XRCC5: variants seen among roughly 807,000 people sequenced by gnomAD.
XRCC5 encodes DNA repair protein Ku80.
A neutral mutation model predicts 95.7 loss-of-function variants in XRCC5; 12 were observed. That is an observed-to-expected ratio of 0.13 (90% CI 0.08 to 0.20). XRCC5 has a LOEUF of 0.20. Among genes scored for constraint, XRCC5 ranks in the 10% least tolerant of loss-of-function variants. The pLI, the probability that XRCC5 is intolerant of heterozygous loss-of-function variation, is 1.00. For missense variants in XRCC5, 595 were observed against 873.9 expected (o/e 0.68, Z 4.02); for synonymous variants, 281 against 290.3 (o/e 0.97, Z 0.33).
In XRCC5 at chr2:216,187,786, G is replaced by GACACACACACACACACACACACACAC. The variant is rs149998611; in HGVS notation, c.1835-2428_1835-2403dup. Among the ~76,000 whole-genome samples the GACACACACACACACACACACACACAC allele has an allele frequency of 1.7e-4, 11 of 64,544 alleles. 1 individual carries two copies. The highest frequency in any genetic ancestry group is 1.0e-3 in the African/African-American group (10 of 9,962). 42.3% of individuals were successfully genotyped at this position (64,544 alleles called of 152,430 possible). A position where few individuals can be genotyped will look rare whatever the true frequency, so the allele number is the denominator to read the frequency against. Reference sequence around the variant, plus strand: ...AGTATCTGTGATGCCATGAACTCCTGACACACACACACACACACACACACA... The same window carrying GACACACACACACACACACACACACAC: ...AGTATCTGTGATGCCATGAACTCCTGACACACACACACACACACACACACACACACACACACACACACACACACACA... On this transcript the variant is annotated intron_variant, in intron 16 of 20. Coordinates refer to ENST00000392132, the MANE Select transcript of XRCC5 (RefSeq NM_021141.4).
In XRCC5 at chr2:216,200,952, G is replaced by T. The variant is rs1024866408; in HGVS notation, c.2110-3370G>T. Among the ~76,000 whole-genome samples the T allele has an allele frequency of 2.0e-5, 3 of 152,210 alleles. No homozygotes were observed. In the South Asian group the frequency reaches 6.2e-4, roughly 31 times the overall value. On this transcript the variant is annotated intron_variant, in intron 19 of 20. Coordinates refer to ENST00000392132, the MANE Select transcript of XRCC5 (RefSeq NM_021141.4). Reference sequence around the variant, plus strand: ...ACCACTTGGTGGACATATGTTAAGTGTATTCCTAGGAATTAGAACATGAAA... The same window carrying T: ...ACCACTTGGTGGACATATGTTAAGTTTATTCCTAGGAATTAGAACATGAAA...
At chr2:216,117,166 A>G (rs969325197) in intron 3 of XRCC5, 1 of 244,576 alleles carries the variant, frequency 4.1e-6, no homozygotes, top group African/African-American at 2.2e-5. Context: ...CTCGTTAGAA[A>G]TGTTTGGAGG....
At chr2:216,156,562 A>G in intron 14 of XRCC5, 2 of 596,260 alleles carry the variant, frequency 3.4e-6, no homozygotes, top group Non-Finnish European at 6.7e-6. Context: ...TGGTGAGGTT[A>G]GCTTTCCCAT....
intron 6 of XRCC5, among the ~76,000 whole-genome samples, chr2:216,123,735 G>A (rs1424900096): frequency 1.3e-5 from 2 of 152,216 alleles, no homozygotes; most frequent in South Asian, 4.1e-4. Context: ...GAACCTAGGA[G>A]GCGGAGGTTG....
chr2:216,151,188 A>T lies in XRCC5; in HGVS notation c.1670+2912A>T, dbSNP rs113319913. ...AATACCTAGTGTTAGAAGTGATTTC[A>T]TTTCAAGAGGATAAGAGCACCATTT... On this transcript the variant is annotated intron_variant, in intron 14 of 20. Coordinates refer to ENST00000392132, the MANE Select transcript of XRCC5 (RefSeq NM_021141.4). Among the ~76,000 whole-genome samples the T allele has an allele frequency of 2.8e-3, 425 of 152,332 alleles. 4 individuals carry two copies. The highest frequency in any genetic ancestry group is 9.6e-3 in the African/African-American group (400 of 41,568).
At chr2:216,179,841 A>G (rs527503279) in intron 16 of XRCC5, among the ~76,000 whole-genome samples, 1 of 152,312 alleles carries the variant, frequency 6.6e-6, no homozygotes, top group Non-Finnish European at 1.5e-5. Context: ...CTGGTTTTAT[A>G]TTTCATACCA....
intron 2 of XRCC5, among the ~76,000 whole-genome samples, chr2:216,114,189 G>C (rs958128561): frequency 9.9e-5 from 15 of 152,088 alleles, no homozygotes; most frequent in African/African-American, 3.4e-4. Flanking sequence ...GTAAGCATCA[G>C]CTGTTTTTAT....
At chr2:216,150,625 C>G (rs1467703440) in intron 14 of XRCC5, among the ~76,000 whole-genome samples, 3 of 152,098 alleles carry the variant, frequency 2.0e-5, no homozygotes, top group African/African-American at 4.8e-5. Flanking sequence ...ATAAACGTAT[C>G]TAATGATAGA....
intron 14 of XRCC5, among the ~76,000 whole-genome samples, chr2:216,152,447 AAG>A (rs932097401): frequency 2.0e-5 from 3 of 151,080 alleles, no homozygotes; most frequent in Non-Finnish European, 2.9e-5. Flanking sequence ...TTAAAAAAAA[AAG>A]AGAGAAAAAA....
intron 2 of XRCC5, 118 bp from the exon 3 acceptor site, chr2:216,116,541 T>C: frequency 9.1e-7 from 1 of 1,096,384 alleles, no homozygotes; most frequent in Non-Finnish European, 1.4e-6. Flanking sequence ...CCCAATACTA[T>C]ATGGCCCCAG....
At chr2:216,155,387 A>C (rs866221454) in intron 14 of XRCC5, among the ~76,000 whole-genome samples, 1 of 152,228 alleles carries the variant, frequency 6.6e-6, no homozygotes, top group Admixed American at 6.5e-5. Flanking sequence ...CAGCTGGCTT[A>C]CAAGTGTATG....
Position 216,141,214 on chromosome 2 carries a change from G to A in XRCC5, c.1371G>A (p.Leu457=), listed in dbSNP as rs1247613366. Residue 457 remains leucine (L), a synonymous_variant, in exon 13 of 21, where the codon TTG becomes TTA. Transcript: ENST00000392132. ...CACAGTTGAATGCTGTTGATGCTTTGATTGACTCCATGAGCTTGGCAAAGA... is the reference window on the plus strand; with the variant it reads ...CACAGTTGAATGCTGTTGATGCTTTAATTGACTCCATGAGCTTGGCAAAGA... ...TEAQLNAVDA[L]IDSMSLAKKD... The A allele has an allele frequency of 3.1e-6, 5 of 1,614,000 alleles. No individual in the cohort carries two copies. In the African/African-American group the frequency reaches 6.7e-5, roughly 22 times the overall value.
chr2:216,196,550 A>AT (rs1491241657), intron 19 of XRCC5, among the ~76,000 whole-genome samples: 3 of 152,156 alleles, frequency 2.0e-5, no homozygotes, highest in Non-Finnish European at 4.4e-5. Context: ...ACATATATAT[A>AT]GAGAGAGAGA....
chr2:216,115,865 T>C (rs2106000268), intron 2 of XRCC5, among the ~76,000 whole-genome samples: 1 of 152,310 alleles, frequency 6.6e-6, no homozygotes, highest in Non-Finnish European at 1.5e-5. Flanking sequence ...CTTACCCTTT[T>C]TTTCTCTTCT....
chr2:216,125,999 A>T lies in XRCC5; in HGVS notation c.766A>T (p.Asn256Tyr), dbSNP rs11575909. ...HWPCRLTIGSNLSIRIAAYKS... is the reference protein window; with the variant it reads ...HWPCRLTIGSYLSIRIAAYKS... ...GCCCTGCCGACTGACCATTGGCTCC[A>T]ATTTGTCTATAAGGATTGCAGCCTA... Residue 256 changes from asparagine (N) to tyrosine (Y), a missense_variant, in exon 7 of 21, where the codon AAT becomes TAT. Asn to Tyr is a moderately radical substitution (Grantham distance 143). Coordinates refer to ENST00000392132, the MANE Select transcript of XRCC5 (RefSeq NM_021141.4). 6.2e-7 allele frequency: 1 copy of T among 1,613,990 alleles called. No homozygotes were observed. The highest frequency in any genetic ancestry group is 8.5e-7 in the Non-Finnish European group (1 of 1,179,844).
In XRCC5 at chr2:216,204,399, A is replaced by G. The variant is rs773460922; in HGVS notation, c.2184+3A>G. On this transcript the variant is annotated splice_donor_region_variant and intron_variant, in intron 20 of 20. Coordinates refer to ENST00000392132, the MANE Select transcript of XRCC5 (RefSeq NM_021141.4). ...AAGGTGGTGATGTGGACGATTTAGT[A>G]AGTACTTTTAATATGCACCTGGTGT... 1 of 1,613,778 alleles carries G rather than the reference A, an allele frequency of 6.2e-7. No homozygotes were observed.
chr2:216,136,367 A>AAAAAG (rs78774096), intron 10 of XRCC5, among the ~76,000 whole-genome samples: 4,882 of 143,134 alleles, frequency 0.034, 175 homozygotes, highest in Non-Finnish European at 0.052. Context: ...AAAAAAAAAA[A>AAAAAG]AAAAGAAATA....
intron 16 of XRCC5, among the ~76,000 whole-genome samples, chr2:216,176,192 C>T (rs1389569255): frequency 6.6e-6 from 1 of 152,166 alleles, no homozygotes; most frequent in Non-Finnish European, 1.5e-5. Flanking sequence ...GATCTTGACT[C>T]ACTGCAACCT....
intron 16 of XRCC5, among the ~76,000 whole-genome samples, chr2:216,164,325 T>C (rs41301716): frequency 0.022 from 3,361 of 152,332 alleles, 112 homozygotes; most frequent in African/African-American, 0.076. Context: ...TTTCAGGGAC[T>C]GAATCTAGCT....
Sources: gnomAD v4.1 joint callset for allele counts (sites outside exome capture counted in the v4.1 genomes callset) on GRCh38, gnomAD v4.1.1 for gene constraint, MANE v1.5 for transcripts, NCBI Gene and HGNC (gene_info 2026-07-23, HGNC 2026-07-21) for gene names.